The following PKD1L1 variants were observed in gnomAD, a reference collection of about 807,000 sequenced individuals.
PKD1L1 encodes polycystin 1 like 1, transient receptor potential channel interacting, also known as polycystin-1-like protein 1.
Under a neutral mutation model 323.4 loss-of-function variants are expected in PKD1L1, and 236 were observed. The observed-to-expected ratio is 0.73, with a 90% CI of 0.66 to 0.81. The LOEUF is 0.81. PKD1L1 is among the 40% of genes least tolerant of loss of function. The probability of loss-of-function intolerance (pLI) is 0.00; values close to 1 mark genes in which losing one functional copy is unlikely to be tolerated. For missense variants in PKD1L1, 3,320 were observed against 3,508.0 expected (o/e 0.95, Z 1.35); for synonymous variants, 1,344 against 1,335.0 (o/e 1.01, Z -0.15).
At chr7:47,792,336 A>G (rs572954396) in intron 56 of PKD1L1, among the ~76,000 whole-genome samples, 2 of 151,980 alleles carry the variant, frequency 1.3e-5, no homozygotes, top group Admixed American at 1.3e-4. Flanking sequence ...TTCTGGGAAG[A>G]TCGAGTTTCC....
chr7:47,824,029 G>T (rs1193583300), intron 45 of PKD1L1, among the ~76,000 whole-genome samples: 3 of 152,150 alleles, frequency 2.0e-5, no homozygotes, highest in Non-Finnish European at 2.9e-5. Flanking sequence ...TGGCTTCTTG[G>T]TCCTCTGACA....
At chr7:47,879,096 A>G (rs572470169) in intron 21 of PKD1L1, among the ~76,000 whole-genome samples, 37 of 152,344 alleles carry the variant, frequency 2.4e-4, no homozygotes, top group African/African-American at 8.7e-4. Flanking sequence ...GCAGGGACCC[A>G]GGGCTAGTTG....
At chr7:47,877,142 C>A (rs909789860) in intron 22 of PKD1L1, among the ~76,000 whole-genome samples, 2 of 151,944 alleles carry the variant, frequency 1.3e-5, no homozygotes, top group Non-Finnish European at 2.9e-5. Context: ...AAGGGCCAGG[C>A]TCCTCTCCTC....
At chr7:47,823,158 T>C (rs778650951) in intron 45 of PKD1L1, among the ~76,000 whole-genome samples, 2 of 152,208 alleles carry the variant, frequency 1.3e-5, no homozygotes, top group African/African-American at 2.4e-5. Flanking sequence ...TAAAAAACAT[T>C]CGATATCTCT....
intron 24 of PKD1L1, among the ~76,000 whole-genome samples, chr7:47,868,599 G>A (rs928075896): frequency 6.6e-6 from 1 of 152,184 alleles, no homozygotes; most frequent in Non-Finnish European, 1.5e-5. Flanking sequence ...AAACTGGCCA[G>A]GCGTGGTGGC....
intron 15 of PKD1L1, among the ~76,000 whole-genome samples, chr7:47,890,971 C>T (rs1786803769): frequency 6.6e-6 from 1 of 152,192 alleles, no homozygotes; most frequent in Non-Finnish European, 1.5e-5. Flanking sequence ...GCTCAGGCCA[C>T]CCCTCCCGAC....
intron 54 of PKD1L1, among the ~76,000 whole-genome samples, chr7:47,796,714 G>A (rs1178899750): frequency 2.0e-5 from 3 of 152,078 alleles, no homozygotes; most frequent in Non-Finnish European, 2.9e-5. Context: ...AGGGCTGGGC[G>A]CAGTGGCTCA....
intron 46 of PKD1L1, among the ~76,000 whole-genome samples, chr7:47,820,456 G>A (rs1016007375): frequency 6.6e-6 from 1 of 152,216 alleles, no homozygotes; most frequent in African/African-American, 2.4e-5. Flanking sequence ...CGGGCGTAGT[G>A]GCGCACACCT....
intron 56 of PKD1L1, among the ~76,000 whole-genome samples, chr7:47,781,502 G>A (rs376513247): frequency 6.8e-6 from 1 of 147,646 alleles, no homozygotes; most frequent in South Asian, 2.1e-4. Context: ...TCCGCCTCCT[G>A]GGTTCATGCC....
chr7:47,815,905 A>G (rs1358561815), intron 46 of PKD1L1, among the ~76,000 whole-genome samples: 1 of 152,164 alleles, frequency 6.6e-6, no homozygotes, highest in Non-Finnish European at 1.5e-5. Context: ...GCAGATGTTC[A>G]AGCAGCCATG....
chr7:47,865,174 A>C, intron 26 of PKD1L1, 42 bp downstream of exon 26: 1 of 1,481,658 alleles, frequency 6.7e-7, no homozygotes, highest in East Asian at 2.3e-5. Context: ...CCTCAAAACT[A>C]TATAAAATAG....
intron 2 of PKD1L1, among the ~76,000 whole-genome samples, chr7:47,943,177 T>A (rs1236851419): frequency 1.4e-3 from 133 of 96,338 alleles, no homozygotes; most frequent in African/African-American, 7.7e-3. Context: ...TATATATATA[T>A]ATATATATAT....
In PKD1L1 at chr7:47,915,725, T is replaced by C. The variant is rs922304458; in HGVS notation, c.1061-126A>G. 18 of 564,874 alleles carry C rather than the reference T, an allele frequency of 3.2e-5. 1 individual carries two copies. Among genetic ancestry groups the C allele is most frequent in the Non-Finnish European group, 5.4e-5 (18 of 333,718 alleles). The allele number at this position is 564,874 out of a possible 1,614,324, so 35.0% of individuals were successfully genotyped here. ...ACTAATGAAAATTTACCCAACCAATTAAGGAAGGAAAAAGAAATACAACGA... is the reference window on the plus strand; with the variant it reads ...ACTAATGAAAATTTACCCAACCAATCAAGGAAGGAAAAAGAAATACAACGA... On this transcript the variant is annotated intron_variant, in intron 7 of 56. Coordinates refer to ENST00000289672, the MANE Select transcript of PKD1L1 (RefSeq NM_138295.5).
intron 19 of PKD1L1, among the ~76,000 whole-genome samples, chr7:47,883,183 G>A (rs1786602906): frequency 6.6e-6 from 1 of 152,208 alleles, no homozygotes; most frequent in African/African-American, 2.4e-5. Flanking sequence ...TCTGTATGAT[G>A]ATGTTTTGAT....
chr7:47,925,003 G>GA (rs1787630330), intron 7 of PKD1L1, among the ~76,000 whole-genome samples: 1 of 152,118 alleles, frequency 6.6e-6, no homozygotes, highest in Admixed American at 6.5e-5. Flanking sequence ...GAAAAACACT[G>GA]AAGAATACAC....
chr7:47,801,548 T>C (rs1262416849), intron 53 of PKD1L1, among the ~76,000 whole-genome samples: 1 of 152,142 alleles, frequency 6.6e-6, no homozygotes, highest in African/African-American at 2.4e-5. Flanking sequence ...GTGTGTAGAC[T>C]GTGGACGGGC....
At chr7:47,852,108 T>C (rs921787827) in intron 31 of PKD1L1, among the ~76,000 whole-genome samples, 9 of 152,166 alleles carry the variant, frequency 5.9e-5, no homozygotes, top group African/African-American at 1.9e-4. Flanking sequence ...GGGTGGTATG[T>C]CATGGGGCCT....
chr7:47,885,796 G>A lies in PKD1L1; in HGVS notation c.3095C>T (p.Pro1032Leu). 1 of 1,614,202 alleles carries A rather than the reference G, an allele frequency of 6.2e-7. No individual in the cohort carries two copies. Reference protein sequence around the residue: ...AGDSAVLGEAPEEGSLDLEPG... With the variant: ...AGDSAVLGEALEEGSLDLEPG... The stretch of plus-strand genomic sequence containing the variant: ...CTCTAGGTCTAGTGAACCTTCCTCT[G>A]GAGCCTCCCCCAGGACTGCAGAGTC... The change falls in exon 18 of 57, where the codon CCA becomes CTA. Residue 1032 changes from proline (P) to leucine (L), a missense_variant. Pro to Leu is a moderately conservative substitution (Grantham distance 98). Transcript: ENST00000289672.
At chr7:47,825,066 A>C (rs1427176660) in intron 45 of PKD1L1, among the ~76,000 whole-genome samples, 1 of 152,220 alleles carries the variant, frequency 6.6e-6, no homozygotes, top group Non-Finnish European at 1.5e-5. Flanking sequence ...ACTGTGTGAA[A>C]TGCTCTATTT....
Sources: gnomAD v4.1 joint callset for allele counts (sites outside exome capture counted in the v4.1 genomes callset) on GRCh38, gnomAD v4.1.1 for gene constraint, MANE v1.5 for transcripts, NCBI Gene and HGNC (gene_info 2026-07-23, HGNC 2026-07-21) for gene names.